Variants in RPA3 observed in about 807,000 individuals in gnomAD.
RPA3 encodes the protein replication protein A 14 kDa subunit.
A neutral mutation model predicts 13.7 loss-of-function variants in RPA3; 24 were observed. The observed-to-expected ratio is 1.75, with a 90% confidence interval of 1.27 to 2.46. The LOEUF (loss-of-function observed/expected upper bound fraction) is 2.46. Among genes scored for constraint, RPA3 ranks in the 30% most tolerant of loss-of-function variants. The pLI, the probability that RPA3 is intolerant of heterozygous loss-of-function variation, is 0.00. For missense variants in RPA3, 183 were observed against 151.0 expected (o/e 1.21, Z -1.11); for synonymous variants, 59 against 51.2 (o/e 1.15, Z -0.65).
intron 4 of RPA3, among the ~76,000 whole-genome samples, chr7:7,666,463 C>T (rs780650124): frequency 6.6e-6 from 1 of 152,066 alleles, no homozygotes; most frequent in African/African-American, 2.4e-5. Flanking sequence ...CTACCTCAGC[C>T]TCCCAAAGTA....
chr7:7,696,220 T>A (rs1316712040), intron 2 of RPA3, among the ~76,000 whole-genome samples: 2 of 151,606 alleles, frequency 1.3e-5, no homozygotes, highest in East Asian at 3.9e-4. Flanking sequence ...TTGCCCAGGC[T>A]ACCAGTGTAA....
At chr7:7,698,257 G>C (rs541244501) in intron 2 of RPA3, among the ~76,000 whole-genome samples, 1 of 152,334 alleles carries the variant, frequency 6.6e-6, no homozygotes, top group East Asian at 1.9e-4. Context: ...ATTTATTTCT[G>C]TGAGAAGATT....
intron 4 of RPA3, among the ~76,000 whole-genome samples, chr7:7,651,398 GTA>G (rs902833179): frequency 1.3e-5 from 2 of 152,152 alleles, no homozygotes; most frequent in Admixed American, 6.5e-5. Flanking sequence ...CAACATTTGG[GTA>G]TGGAAACAGG....
chr7:7,649,915 T>G (rs1410144376), intron 4 of RPA3, among the ~76,000 whole-genome samples: 2 of 152,212 alleles, frequency 1.3e-5, no homozygotes, highest in African/African-American at 4.8e-5. Context: ...AAGATGGCTG[T>G]CTGTGAACCA....
At chr7:7,676,344 AG>A in intron 4 of RPA3, 1 of 391,848 alleles carries the variant, frequency 2.6e-6, no homozygotes, top group Non-Finnish European at 4.5e-6. Flanking sequence ...TGAGTGAGGT[AG>A]TACTATTATA....
chr7:7,690,080 C>A (rs2108003), intron 2 of RPA3, among the ~76,000 whole-genome samples: 2 of 151,958 alleles, frequency 1.3e-5, no homozygotes, highest in East Asian at 1.9e-4. Flanking sequence ...TTTTCCCACC[C>A]ATTTGATTTT....
At chr7:7,713,683 A>G (rs1047029940) in intron 2 of RPA3, among the ~76,000 whole-genome samples, 1 of 151,804 alleles carries the variant, frequency 6.6e-6, no homozygotes, top group African/African-American at 2.4e-5. Flanking sequence ...TTGTCCTTGG[A>G]TCATCATTTT....
intron 2 of RPA3, among the ~76,000 whole-genome samples, chr7:7,688,802 A>G (rs1231465025): frequency 1.3e-5 from 2 of 152,206 alleles, no homozygotes; most frequent in Non-Finnish European, 2.9e-5. Flanking sequence ...TGACTATCAA[A>G]AAGCTGATCC....
At position 7,640,322 on chromosome 7, in the gene RPA3, T is replaced by C. The variant is rs754239984; in HGVS notation, c.97A>G (p.Lys33Glu). 6.2e-7 allele frequency: 1 copy of C among 1,613,964 alleles called. No homozygotes were observed. Among genetic ancestry groups the C allele is most frequent in the Admixed American group, 1.7e-5 (1 of 60,006 alleles). ...CCCATGATTGCGAACCCGCACACCTTTTCCAGCCTCCCTACGAAGCAGACA... is the reference window on the plus strand; with the variant it reads ...CCCATGATTGCGAACCCGCACACCTCTTCCAGCCTCCCTACGAAGCAGACA... The part of the protein sequence containing the change: ...KPVCFVGRLE[K>E]IHPTGKMFIL... The change falls in exon 5 of 8, where the codon AAG becomes GAG. Residue 33 changes from lysine to glutamate, a missense_variant and splice_region_variant. By Grantham distance (56) the Lys-to-Glu change is moderately conservative (BLOSUM62 1). Coordinates refer to ENST00000223129, the MANE Select transcript of RPA3 (RefSeq NM_002947.5).
intron 4 of RPA3, among the ~76,000 whole-genome samples, chr7:7,677,676 T>TGG (rs1779780246): frequency 7.3e-6 from 1 of 137,368 alleles, no homozygotes; most frequent in African/African-American, 2.8e-5. Flanking sequence ...TTTTTTTTTT[T>TGG]TTTTTTTTTT....
At chr7:7,639,171 C>A (rs1784912387) in intron 5 of RPA3, 27 bp from the exon 6 acceptor site, 16 of 1,568,128 alleles carry the variant, frequency 1.0e-5, no homozygotes, top group Non-Finnish European at 1.4e-5. Flanking sequence ...TAATTAAAAT[C>A]TCACTAAAAC....
At chr7:7,672,026 C>T (rs1190551292) in intron 4 of RPA3, among the ~76,000 whole-genome samples, 1 of 152,168 alleles carries the variant, frequency 6.6e-6, no homozygotes, top group Non-Finnish European at 1.5e-5. Flanking sequence ...ATATCCTTCT[C>T]TGATCTACAA....
At chr7:7,637,541 A>C (rs1784883816) in intron 7 of RPA3, among the ~76,000 whole-genome samples, 1 of 152,028 alleles carries the variant, frequency 6.6e-6, no homozygotes, top group Non-Finnish European at 1.5e-5. Context: ...GCAGTACTAA[A>C]ACTCTAGACC....
intron 2 of RPA3, among the ~76,000 whole-genome samples, chr7:7,702,483 A>T (rs995929655): frequency 6.6e-6 from 1 of 152,188 alleles, no homozygotes; most frequent in Non-Finnish European, 1.5e-5. Context: ...GTACACTCCA[A>T]TAGCTTTTAT....
intron 2 of RPA3, among the ~76,000 whole-genome samples, chr7:7,702,094 A>G (rs1780477119): frequency 6.6e-6 from 1 of 152,208 alleles, no homozygotes; most frequent in African/African-American, 2.4e-5. Flanking sequence ...AGGGATGTCA[A>G]GGTAGGGAAG....
rs868711839 is a variant in RPA3, at chr7:7,702,453, G to T, written c.-1028+12722C>A. Among the ~76,000 whole-genome samples the T allele has an allele frequency of 7.9e-5, 12 of 152,054 alleles. 1 individual carries two copies. The highest frequency in any genetic ancestry group is 2.1e-4 in the South Asian group (1 of 4,820). On this transcript the variant is annotated intron_variant, in intron 2 of 7. Transcript: ENST00000223129. ...TAATACGAAAATTCTGGTTGGGGAG[G>T]CAGGAAACCTGGCTTTCAAGTACAC...
At chr7:7,649,672 C>A (rs1047419187) in intron 4 of RPA3, among the ~76,000 whole-genome samples, 1 of 144,500 alleles carries the variant, frequency 6.9e-6, no homozygotes, top group African/African-American at 2.4e-5. Context: ...GTTATACATT[C>A]TGTATTCTTG....
In RPA3 at chr7:7,640,377, G is replaced by T; in HGVS notation, c.42C>A (p.Ala14=). The T allele has an allele frequency of 6.2e-7, 1 of 1,614,058 alleles. No homozygotes were observed. Among genetic ancestry groups the T allele is most frequent in the South Asian group, 1.1e-5 (1 of 91,082 alleles). Residue 14 remains alanine, a synonymous_variant, in exon 5 of 8, where the codon GCC becomes GCA. Transcript: ENST00000223129. Reference sequence around the variant, plus strand: ...TGTCGATGAATTGAGCTAGCATGCCGGCGTTGATGCGCGACCTGGGCAAGT... The same window carrying T: ...TGTCGATGAATTGAGCTAGCATGCCTGCGTTGATGCGCGACCTGGGCAAGT... ...MMDLPRSRIN[A]GMLAQFIDKP... is the part of the protein sequence containing the mutation.
chr7:7,690,985 T>C (rs1172852802), intron 2 of RPA3, among the ~76,000 whole-genome samples: 1 of 152,226 alleles, frequency 6.6e-6, no homozygotes, highest in Non-Finnish European at 1.5e-5. Flanking sequence ...TTTCTGCTCC[T>C]TCTAGGTCTC....
Sources: allele counts gnomAD v4.1 joint callset (sites outside exome capture counted in the v4.1 genomes callset), GRCh38; gene constraint gnomAD v4.1.1; transcripts MANE v1.5; gene names NCBI Gene and HGNC (gene_info 2026-07-23, HGNC 2026-07-21).